Variants in ATE1 observed in about 807,000 individuals in gnomAD.
ATE1 encodes the protein arginyl-tRNA--protein transferase 1.
In ATE1, 36 loss-of-function variants were observed where a neutral mutation model predicts 70.5. The ratio of observed to expected loss-of-function variants is 0.51; its 90% CI spans 0.39 to 0.67. The LOEUF (loss-of-function observed/expected upper bound fraction) is 0.67, where lower values mean the gene tolerates loss of function less well. Ranked by LOEUF, ATE1 falls within the 30% of genes least tolerant of loss-of-function variation. The pLI, the probability that ATE1 is intolerant of heterozygous loss-of-function variation, is 0.00. For synonymous variants in ATE1, 232 were observed against 219.3 expected (o/e 1.06, Z -0.51); for missense variants, 593 against 629.5 (o/e 0.94, Z 0.62).
At chr10:121,887,800 G>A (rs1438372430) in intron 7 of ATE1, among the ~76,000 whole-genome samples, 3 of 152,098 alleles carry the variant, frequency 2.0e-5, no homozygotes, top group Non-Finnish European at 4.4e-5. Context: ...CTATCAGAAG[G>A]AAAAAAGATG....
At chr10:121,868,593 C>A (rs1949741534) in intron 8 of ATE1, among the ~76,000 whole-genome samples, 1 of 152,188 alleles carries the variant, frequency 6.6e-6, no homozygotes, top group Non-Finnish European at 1.5e-5. Flanking sequence ...GTGTTTGCCA[C>A]AGATCATCTC....
chr10:121,856,091 A>G (rs902205250), intron 8 of ATE1, among the ~76,000 whole-genome samples: 26 of 152,108 alleles, frequency 1.7e-4, no homozygotes, highest in African/African-American at 6.0e-4. Context: ...AAAAAAAAAA[A>G]AAGAATCCAG....
In ATE1 at chr10:121,858,739, T is replaced by C. The variant is rs1949353512; in HGVS notation, c.975+11267A>G. 2.0e-5 allele frequency among the ~76,000 whole-genome samples: 3 copies of C among 149,382 alleles called. 1 individual carries two copies. In the South Asian group the frequency reaches 6.3e-4, roughly 31 times the overall value. On this transcript the variant is annotated intron_variant, in intron 8 of 11. Coordinates refer to ENST00000224652, the MANE Select transcript of ATE1 (RefSeq NM_001001976.3). ...ATATACTACAGAATGGCTACATCTT[T>C]GGGGTCTGTCAACAAACATGCTCAT...
intron 11 of ATE1, among the ~76,000 whole-genome samples, chr10:121,761,267 C>A (rs1273484547): frequency 6.6e-6 from 1 of 152,132 alleles, no homozygotes; most frequent in African/African-American, 2.4e-5. Flanking sequence ...TATAAACTAC[C>A]CAGCCTCAGA....
At chr10:121,912,672 C>A (rs1355726228) in intron 4 of ATE1, among the ~76,000 whole-genome samples, 1 of 151,792 alleles carries the variant, frequency 6.6e-6, no homozygotes, top group Non-Finnish European at 1.5e-5. Context: ...AGAAAGGCAA[C>A]CACCAATTTA....
chr10:121,811,064 A>G (rs1947301006), intron 10 of ATE1, among the ~76,000 whole-genome samples: 1 of 152,234 alleles, frequency 6.6e-6, no homozygotes, highest in Admixed American at 6.5e-5. Context: ...GGGTCGAATG[A>G]CAAAACTGGA....
chr10:121,886,489 G>A (rs958915342), intron 7 of ATE1, among the ~76,000 whole-genome samples: 3 of 152,094 alleles, frequency 2.0e-5, no homozygotes, highest in African/African-American at 7.2e-5. Context: ...GCCCTGTGGT[G>A]GAACAGACTC....
chr10:121,928,384 G>A, upstream of ATE1: 1 of 1,532,718 alleles, frequency 6.5e-7, no homozygotes. Context: ...CGCAGTAGCC[G>A]CAGTGGTAGC....
chr10:121,771,095 A>T (rs1002244595), intron 11 of ATE1, among the ~76,000 whole-genome samples: 1 of 152,106 alleles, frequency 6.6e-6, no homozygotes, highest in African/African-American at 2.4e-5. Flanking sequence ...TTTTTGAGAC[A>T]GAGTCCCACT....
chr10:121,819,199 T>C (rs1947683353), intron 10 of ATE1, among the ~76,000 whole-genome samples: 1 of 152,250 alleles, frequency 6.6e-6, no homozygotes, highest in South Asian at 2.1e-4. Flanking sequence ...AATGTGATCA[T>C]AAATCAACGA....
intron 11 of ATE1, among the ~76,000 whole-genome samples, chr10:121,773,933 A>G (rs1945627078): frequency 6.6e-6 from 1 of 152,234 alleles, no homozygotes; most frequent in Non-Finnish European, 1.5e-5. Context: ...AAATGGCTGT[A>G]GTTTCTACAA....
intron 8 of ATE1, among the ~76,000 whole-genome samples, chr10:121,853,361 CAA>C (rs386372688): frequency 4.3e-5 from 3 of 69,096 alleles, no homozygotes; most frequent in African/African-American, 6.0e-5. Context: ...GACTCTGTCT[CAA>C]AAAAAAAAAA....
intron 10 of ATE1, among the ~76,000 whole-genome samples, chr10:121,817,998 A>G (rs1380446344): frequency 6.6e-6 from 1 of 152,168 alleles, no homozygotes; most frequent in Non-Finnish European, 1.5e-5. Flanking sequence ...GTTAACAATA[A>G]GGATAGTTAA....
Position 121,911,085 on chromosome 10 carries a change from T to C in ATE1, c.404A>G (p.Asp135Gly). Reference sequence around the variant, plus strand: ...GAGTGTTTTAAGATCACACTGTATATCCAGTTTATTTATCAATGCAAAGTC... The same window carrying C: ...GAGTGTTTTAAGATCACACTGTATACCCAGTTTATTTATCAATGCAAAGTC... ...AGDFALINKL[D>G]IQCDLKTLSD... Residue 135 changes from aspartate to glycine, a missense_variant, in exon 5 of 12, where the codon GAT becomes GGT. Coordinates refer to ENST00000224652, the MANE Select transcript of ATE1 (RefSeq NM_001001976.3). The C allele has an allele frequency of 6.2e-7, 1 of 1,612,248 alleles. No homozygotes were observed. The highest frequency in any genetic ancestry group is 8.5e-7 in the Non-Finnish European group (1 of 1,179,718).
intron 10 of ATE1, among the ~76,000 whole-genome samples, chr10:121,793,493 T>G (rs1946535050): frequency 6.6e-6 from 1 of 152,188 alleles, no homozygotes; most frequent in Non-Finnish European, 1.5e-5. Flanking sequence ...AACATTATGC[T>G]CCCAAGTTGA....
Position 121,924,301 on chromosome 10 carries a change from C to A in ATE1, c.135G>T (p.Gln45His). ...NGMWAHSMTV[Q>H]DYQDLIDRGW... ...CTCGGTCTATGAGATCCTGATAATCCTGTACTGTCATGGAATGTGCCCACA... is the reference window on the plus strand; with the variant it reads ...CTCGGTCTATGAGATCCTGATAATCATGTACTGTCATGGAATGTGCCCACA... The change falls in exon 2 of 12, where the codon CAG becomes CAT. Residue 45 changes from glutamine to histidine, a missense_variant. This residue lies in a region of ATE1 where 467 missense variants were observed against 469.6 expected (regional missense o/e 0.99). Coordinates refer to ENST00000224652, the MANE Select transcript of ATE1 (RefSeq NM_001001976.3). 6.2e-7 allele frequency: 1 copy of A among 1,614,068 alleles called. No individual in the cohort carries two copies. Among genetic ancestry groups the A allele is most frequent in the Non-Finnish European group, 8.5e-7 (1 of 1,179,954 alleles).
intron 10 of ATE1, among the ~76,000 whole-genome samples, chr10:121,794,625 A>G (rs1318917856): frequency 1.4e-5 from 2 of 146,142 alleles, no homozygotes; most frequent in Non-Finnish European, 3.0e-5. Flanking sequence ...AAAAAAAAAA[A>G]AAAAAAAAGG....
At chr10:121,780,007 G>A (rs144339422) in intron 11 of ATE1, among the ~76,000 whole-genome samples, 1 of 152,118 alleles carries the variant, frequency 6.6e-6, no homozygotes, top group African/African-American at 2.4e-5. Context: ...TTATATGCTG[G>A]GCCCTTGGGG....
intron 10 of ATE1, among the ~76,000 whole-genome samples, chr10:121,811,758 A>C (rs938721449): frequency 6.6e-6 from 1 of 152,168 alleles, no homozygotes; most frequent in Non-Finnish European, 1.5e-5. Context: ...AAGACAATAA[A>C]ACTACTTAAC....
Sources: allele counts gnomAD v4.1 joint callset (sites outside exome capture counted in the v4.1 genomes callset), GRCh38; gene constraint gnomAD v4.1.1; regional missense constraint gnomAD v4.1.1; transcripts MANE v1.5; gene names NCBI Gene and HGNC (gene_info 2026-07-23, HGNC 2026-07-21).